Variants in ANO3 observed in about 807,000 individuals in gnomAD.
ANO3 encodes the protein anoctamin 3, also known as anoctamin-3.
ANO3 carries 99 observed loss-of-function variants against 144.8 expected under a neutral mutation model. That is an observed-to-expected ratio of 0.68 (90% confidence interval 0.58 to 0.81). The LOEUF is 0.81. Ranked by LOEUF, ANO3 falls within the 30% of genes least tolerant of loss-of-function variation. The pLI, the probability that ANO3 is intolerant of heterozygous loss-of-function variation, is 0.00. For missense variants in ANO3, 905 were observed against 1,202.2 expected, an observed-to-expected ratio of 0.75 and a Z score of 3.66; for synonymous variants, 414 against 392.6, an observed-to-expected ratio of 1.05 and a Z score of -0.64.
rs571316084 is a variant in ANO3 at position 26,459,452 on chromosome 11, C to G, written c.314-3578C>G. Among the ~76,000 whole-genome samples, 595 of 151,998 alleles carry G rather than the reference C, an allele frequency of 3.9e-3. 5 individuals carry two copies. The highest frequency in any genetic ancestry group is 0.01 in the African/African-American group (420 of 41,444). On this transcript the variant is annotated intron_variant, in intron 3 of 26. Coordinates refer to ENST00000256737, the MANE Select transcript of ANO3 (RefSeq NM_031418.4). ...TCAGCTTTGAGCTATAATTTAAAGACAGTTTAGACAGGATTTGGGCATTTA... is the reference window on the plus strand; with the variant it reads ...TCAGCTTTGAGCTATAATTTAAAGAGAGTTTAGACAGGATTTGGGCATTTA...
intron 1 of ANO3, among the ~76,000 whole-genome samples, chr11:26,437,445 G>T (rs972686873): frequency 2.0e-5 from 3 of 152,224 alleles, no homozygotes; most frequent in Non-Finnish European, 4.4e-5. Context: ...TTCCCTGAGA[G>T]TAGGAGGCTC....
At chr11:26,471,190 T>C (rs1859769619) in intron 4 of ANO3, among the ~76,000 whole-genome samples, 1 of 151,974 alleles carries the variant, frequency 6.6e-6, no homozygotes, top group Non-Finnish European at 1.5e-5. Context: ...GAACCAGAGC[T>C]GCACTGTGGT....
chr11:26,566,220 C>T (rs747463059), intron 14 of ANO3, among the ~76,000 whole-genome samples: 11 of 151,874 alleles, frequency 7.2e-5, no homozygotes, highest in Non-Finnish European at 1.3e-4. Flanking sequence ...CACACATACA[C>T]GTATATTTAA....
intron 6 of ANO3, among the ~76,000 whole-genome samples, chr11:26,519,953 C>T (rs181986976): frequency 1.3e-5 from 2 of 152,010 alleles, no homozygotes; most frequent in Non-Finnish European, 2.9e-5. Context: ...GCTCTTTCCA[C>T]CATCTCAGTT....
chr11:26,223,372 G>T (rs1852189429), intron 1 of ANO3, among the ~76,000 whole-genome samples: 1 of 151,930 alleles, frequency 6.6e-6, no homozygotes, highest in South Asian at 2.1e-4. Flanking sequence ...TCATAAACCT[G>T]GCATTCAGTG....
intron 1 of ANO3, among the ~76,000 whole-genome samples, chr11:26,275,207 T>C (rs1853530693): frequency 1.3e-5 from 2 of 152,104 alleles, no homozygotes; most frequent in Non-Finnish European, 2.9e-5. Flanking sequence ...GTTCTTAAGC[T>C]GACATATTTA....
chr11:26,630,798 A>C (rs1852752914), intron 18 of ANO3, among the ~76,000 whole-genome samples: 1 of 152,150 alleles, frequency 6.6e-6, no homozygotes, highest in Non-Finnish European at 1.5e-5. Flanking sequence ...GCCTTGTTAC[A>C]CTATGCTGTA....
chr11:26,310,254 G>A (rs1366739544), intron 1 of ANO3, among the ~76,000 whole-genome samples: 2 of 152,106 alleles, frequency 1.3e-5, no homozygotes, highest in Admixed American at 6.6e-5. Flanking sequence ...AATGCAAAAT[G>A]TACTTAGCAG....
At chr11:26,445,145 A>G (rs886221007) in intron 3 of ANO3, among the ~76,000 whole-genome samples, 1 of 152,214 alleles carries the variant, frequency 6.6e-6, no homozygotes, top group Non-Finnish European at 1.5e-5. Context: ...TGCTCCAGTG[A>G]GCATTTCCAT....
chr11:26,246,161 G>C (rs1852788323), intron 1 of ANO3, among the ~76,000 whole-genome samples: 1 of 152,112 alleles, frequency 6.6e-6, no homozygotes, highest in Non-Finnish European at 1.5e-5. Flanking sequence ...CACCGTATTT[G>C]TGGGTATCTC....
chr11:26,585,550 A>G (rs559775555), intron 14 of ANO3, among the ~76,000 whole-genome samples: 17 of 149,594 alleles, frequency 1.1e-4, no homozygotes, highest in Non-Finnish European at 1.8e-4. Flanking sequence ...TGTGCTTTGA[A>G]CCCCATGCTA....
At chr11:26,451,632 T>C (rs1349977141) in intron 3 of ANO3, among the ~76,000 whole-genome samples, 1 of 152,188 alleles carries the variant, frequency 6.6e-6, no homozygotes, top group East Asian at 1.9e-4. Context: ...CCTGCCTGCC[T>C]CTGTAGGCTC....
At chr11:26,555,896 A>G (rs114296087) in intron 13 of ANO3, among the ~76,000 whole-genome samples, 2,048 of 152,250 alleles carry the variant, frequency 0.013, 47 homozygotes, top group African/African-American at 0.046. Context: ...ATCTGGACAC[A>G]TGATCTAGGG....
chr11:26,453,185 A>C (rs976410867), intron 3 of ANO3, among the ~76,000 whole-genome samples: 2 of 152,212 alleles, frequency 1.3e-5, no homozygotes, highest in Non-Finnish European at 2.9e-5. Context: ...TGAGCAAAAT[A>C]ACCAGCTAAC....
At chr11:26,568,830 C>T (rs1357390857) in intron 14 of ANO3, among the ~76,000 whole-genome samples, 1 of 152,000 alleles carries the variant, frequency 6.6e-6, no homozygotes, top group African/African-American at 2.4e-5. Context: ...CATCTCTCTC[C>T]TGTGAACTCT....
intron 14 of ANO3, among the ~76,000 whole-genome samples, chr11:26,588,635 A>G (rs1269132734): frequency 6.6e-6 from 1 of 152,234 alleles, no homozygotes; most frequent in Non-Finnish European, 1.5e-5. Flanking sequence ...AGAAGAAAGC[A>G]TGTGACAGAC....
intron 17 of ANO3, among the ~76,000 whole-genome samples, chr11:26,602,711 A>C (rs1851835099): frequency 6.7e-6 from 1 of 150,266 alleles, no homozygotes; most frequent in African/African-American, 2.4e-5. Flanking sequence ...TGATCACCCC[A>C]CTGTACTCCA....
At chr11:26,327,115 A>AC (rs1854905271) in intron 1 of ANO3, among the ~76,000 whole-genome samples, 1 of 152,218 alleles carries the variant, frequency 6.6e-6, no homozygotes, top group Admixed American at 6.5e-5. Context: ...TTACTAGATT[A>AC]CTTTCACAAA....
chr11:26,573,449 A>T (rs1199802570), intron 14 of ANO3, among the ~76,000 whole-genome samples: 1 of 152,174 alleles, frequency 6.6e-6, no homozygotes, highest in Admixed American at 6.6e-5. Context: ...TTATTTTCAG[A>T]TTAGCCACTT....
Sources: allele counts gnomAD v4.1 joint callset (sites outside exome capture counted in the v4.1 genomes callset), GRCh38; gene constraint gnomAD v4.1.1; transcripts MANE v1.5; gene names NCBI Gene and HGNC (gene_info 2026-07-23, HGNC 2026-07-21).